The following JARID2 variants were observed in gnomAD, a reference collection of about 807,000 sequenced individuals.
The protein encoded by JARID2 is protein Jumonji.
Under a neutral mutation model 125.6 loss-of-function variants are expected in JARID2, and 21 were observed. The ratio of observed to expected loss-of-function variants is 0.17; its 90% CI spans 0.12 to 0.24. The LOEUF (loss-of-function observed/expected upper bound fraction) is 0.24. Among genes scored for constraint, JARID2 ranks in the 10% least tolerant of loss-of-function variants. The pLI is 1.00. For missense variants in JARID2, 1,303 were observed against 1,639.6 expected (o/e 0.79, Z 3.55); for synonymous variants, 736 against 661.6 (o/e 1.11, Z -1.73).
chr6:15,431,744 C>A (rs1169299385), intron 3 of JARID2, among the ~76,000 whole-genome samples: 3 of 152,160 alleles, frequency 2.0e-5, no homozygotes, highest in Non-Finnish European at 4.4e-5. Context: ...TGGATAATGA[C>A]CCCATAGATT....
intron 13 of JARID2, among the ~76,000 whole-genome samples, chr6:15,511,815 C>T (rs185110528): frequency 3.9e-5 from 6 of 152,300 alleles, no homozygotes; most frequent in African/African-American, 4.8e-5. Context: ...CTGACCCTGC[C>T]GGTCCCGCCT....
chr6:15,258,600 G>A (rs752739107), intron 1 of JARID2, among the ~76,000 whole-genome samples: 2 of 152,178 alleles, frequency 1.3e-5, no homozygotes, highest in African/African-American at 4.8e-5. Context: ...TGACTAACAT[G>A]GTGAAAACCT....
chr6:15,474,787 C>T (rs1275068098), intron 5 of JARID2, among the ~76,000 whole-genome samples: 1 of 152,164 alleles, frequency 6.6e-6, no homozygotes, highest in Non-Finnish European at 1.5e-5. Flanking sequence ...TTCTTCTTTC[C>T]CTGAGATAAT....
chr6:15,273,271 T>A (rs1461939510), intron 1 of JARID2, among the ~76,000 whole-genome samples: 4 of 152,224 alleles, frequency 2.6e-5, no homozygotes, highest in African/African-American at 7.2e-5. Flanking sequence ...AAACATACCC[T>A]GAATTTAATA....
chr6:15,443,297 G>A (rs1767525574), intron 3 of JARID2, among the ~76,000 whole-genome samples: 2 of 152,164 alleles, frequency 1.3e-5, no homozygotes, highest in Non-Finnish European at 2.9e-5. Flanking sequence ...TCCTAAGGGT[G>A]ACTCACAGTT....
chr6:15,368,580 C>T, intron 1 of JARID2: 1 of 360,140 alleles, frequency 2.8e-6, no homozygotes, highest in South Asian at 2.0e-5. Flanking sequence ...AGAAGTCATC[C>T]CAAGTTGAGT....
chr6:15,338,979 GAGA>G, intron 1 of JARID2, among the ~76,000 whole-genome samples: 1 of 152,214 alleles, frequency 6.6e-6, no homozygotes, highest in Non-Finnish European at 1.5e-5. Context: ...GACGAACACT[GAGA>G]AGCAGGCTGC....
chr6:15,359,804 G>T (rs368138562), intron 1 of JARID2, among the ~76,000 whole-genome samples: 57 of 151,508 alleles, frequency 3.8e-4, no homozygotes, highest in African/African-American at 1.4e-3. Context: ...CTCCTGTCTC[G>T]GCGTCCTGAG....
intron 2 of JARID2, among the ~76,000 whole-genome samples, chr6:15,386,654 G>A (rs1764800807): frequency 6.6e-6 from 1 of 152,206 alleles, no homozygotes; most frequent in Admixed American, 6.5e-5. Flanking sequence ...TGCTCATTGT[G>A]GAGTTCCTCA....
intron 4 of JARID2, among the ~76,000 whole-genome samples, chr6:15,453,234 C>T (rs1241698410): frequency 2.0e-5 from 3 of 152,128 alleles, no homozygotes; most frequent in African/African-American, 7.2e-5. Flanking sequence ...GCAAAAGGAC[C>T]CAGTTCAGAA....
chr6:15,460,798 A>G (rs1768409734), intron 4 of JARID2, among the ~76,000 whole-genome samples: 1 of 152,110 alleles, frequency 6.6e-6, no homozygotes, highest in Admixed American at 6.5e-5. Context: ...TCCGCCTCCC[A>G]TGTTCAAGGT....
intron 2 of JARID2, among the ~76,000 whole-genome samples, chr6:15,384,589 CTATTTATT>C (rs34448705): frequency 6.6e-6 from 1 of 151,820 alleles, no homozygotes; most frequent in African/African-American, 2.4e-5. Context: ...ACCTGTTTTA[CTATTTATT>C]TATTTATTTA....
chr6:15,412,752 A>T (rs1407513405), intron 3 of JARID2, among the ~76,000 whole-genome samples: 1 of 152,156 alleles, frequency 6.6e-6, no homozygotes, highest in African/African-American at 2.4e-5. Context: ...ATGACTTGGG[A>T]CCTGAATTTC....
intron 5 of JARID2, among the ~76,000 whole-genome samples, chr6:15,476,073 C>T (rs1378311402): frequency 1.3e-5 from 2 of 152,148 alleles, no homozygotes; most frequent in Non-Finnish European, 2.9e-5. Flanking sequence ...GCTGTTGAGG[C>T]GTGTCAGGAA....
intron 2 of JARID2, among the ~76,000 whole-genome samples, chr6:15,401,746 T>G (rs1370989907): frequency 6.6e-6 from 1 of 152,208 alleles, no homozygotes; most frequent in Non-Finnish European, 1.5e-5. Context: ...TTCAGGAACC[T>G]TCAATGTTTG....
intron 1 of JARID2, among the ~76,000 whole-genome samples, chr6:15,251,947 G>T (rs1759472591): frequency 6.6e-6 from 1 of 151,850 alleles, no homozygotes; most frequent in African/African-American, 2.4e-5. Context: ...GGGAGGCGGA[G>T]GTTGCAGTGA....
At chr6:15,516,908 T>TC (rs1771589188) in intron 16 of JARID2, among the ~76,000 whole-genome samples, 1 of 152,218 alleles carries the variant, frequency 6.6e-6, no homozygotes, top group Non-Finnish European at 1.5e-5. Flanking sequence ...CACTCCCAGG[T>TC]CTAACTCAGA....
intron 2 of JARID2, among the ~76,000 whole-genome samples, chr6:15,402,239 GGCACTTGTCGATCGAGTTAAA>G (rs2127556926): frequency 6.6e-6 from 1 of 152,270 alleles, no homozygotes; most frequent in Non-Finnish European, 1.5e-5. Context: ...ATAACTTTAT[GGCACTTGTCGATCGAGTTAAA>G]GCAGCAGCTT....
intron 1 of JARID2, among the ~76,000 whole-genome samples, chr6:15,354,732 A>G (rs1763540904): frequency 6.6e-6 from 1 of 152,202 alleles, no homozygotes; most frequent in East Asian, 1.9e-4. Flanking sequence ...GTTAGGCCAC[A>G]TGACTGGTGA....
Sources: gnomAD v4.1 joint callset for allele counts (sites outside exome capture counted in the v4.1 genomes callset) on GRCh38, gnomAD v4.1.1 for gene constraint, MANE v1.5 for transcripts, NCBI Gene and HGNC (gene_info 2026-07-23, HGNC 2026-07-21) for gene names.